Variants in CNTNAP2 observed in about 807,000 individuals in gnomAD.
CNTNAP2 encodes contactin-associated protein-like 2.
In CNTNAP2, 98 loss-of-function variants were observed where a neutral mutation model predicts 155.2. The observed-to-expected ratio is 0.63, with a 90% CI of 0.54 to 0.75. The LOEUF (loss-of-function observed/expected upper bound fraction) is 0.75. CNTNAP2 is among the 30% of genes least tolerant of loss of function. CNTNAP2 has a pLI of 0.00. For synonymous variants in CNTNAP2, 651 were observed against 631.2 expected (o/e 1.03, Z -0.47); for missense variants, 1,727 against 1,688.1 (o/e 1.02, Z -0.40).
intron 9 of CNTNAP2, among the ~76,000 whole-genome samples, chr7:147,311,794 ATACT>A (rs1281552331): frequency 3.3e-5 from 5 of 152,218 alleles, no homozygotes; most frequent in African/African-American, 1.2e-4. Flanking sequence ...TGAATTTAGC[ATACT>A]TACTTTTTTG....
At chr7:146,203,094 A>G (rs976496245) in intron 1 of CNTNAP2, among the ~76,000 whole-genome samples, 4 of 152,162 alleles carry the variant, frequency 2.6e-5, no homozygotes, top group Admixed American at 1.3e-4. Flanking sequence ...ACAACAATCA[A>G]CACAGAAGGT....
At chr7:148,006,835 A>T (rs932124092) in intron 15 of CNTNAP2, among the ~76,000 whole-genome samples, 6 of 152,158 alleles carry the variant, frequency 3.9e-5, no homozygotes, top group Non-Finnish European at 7.3e-5. Context: ...AAATAATTTC[A>T]CTCAATTTTC....
chr7:146,973,930 C>T (rs1797856224), intron 3 of CNTNAP2, among the ~76,000 whole-genome samples: 1 of 152,164 alleles, frequency 6.6e-6, no homozygotes, highest in African/African-American at 2.4e-5. Flanking sequence ...CCCAGTCCTA[C>T]CATGAATTAC....
chr7:147,798,673 A>G (rs1035459529), intron 13 of CNTNAP2, among the ~76,000 whole-genome samples: 3 of 152,210 alleles, frequency 2.0e-5, no homozygotes, highest in Non-Finnish European at 4.4e-5. Context: ...TTTATTGGCT[A>G]GAATTGGGTC....
chr7:146,659,856 A>G (rs1800057604), intron 1 of CNTNAP2, among the ~76,000 whole-genome samples: 1 of 152,206 alleles, frequency 6.6e-6, no homozygotes, highest in Admixed American at 6.5e-5. Context: ...CAAGAACTCC[A>G]TAGTGGGGAG....
At chr7:147,229,991 T>G (rs1803640857) in intron 8 of CNTNAP2, among the ~76,000 whole-genome samples, 1 of 152,156 alleles carries the variant, frequency 6.6e-6, no homozygotes, top group Admixed American at 6.5e-5. Context: ...AACTACGAGT[T>G]TCCAATCTTT....
At chr7:147,447,021 C>A (rs1797750566) in intron 10 of CNTNAP2, among the ~76,000 whole-genome samples, 1 of 151,972 alleles carries the variant, frequency 6.6e-6, no homozygotes, top group Non-Finnish European at 1.5e-5. Flanking sequence ...CATTAGAATG[C>A]CAAGAAAAGG....
intron 12 of CNTNAP2, among the ~76,000 whole-genome samples, chr7:147,592,639 A>G (rs1800759700): frequency 6.6e-6 from 1 of 152,196 alleles, no homozygotes; most frequent in African/African-American, 2.4e-5. Context: ...TGTTTTCTTT[A>G]CATTTCACTG....
chr7:147,586,547 G>GGAAAGAAGGAAGGAAGGGAGGA (rs1563009757), intron 12 of CNTNAP2, among the ~76,000 whole-genome samples: 27 of 21,302 alleles, frequency 1.3e-3, no homozygotes, highest in African/African-American at 5.8e-3. Flanking sequence ...GGAAGGAAGG[G>GGAAAGAAGGAAGGAAGGGAGGA]AGGGAGGGAG....
intron 13 of CNTNAP2, among the ~76,000 whole-genome samples, chr7:147,725,845 C>A (rs1218468165): frequency 6.6e-6 from 1 of 152,048 alleles, no homozygotes; most frequent in African/African-American, 2.4e-5. Flanking sequence ...CTATAGGCCT[C>A]TTTTCTCCCC....
chr7:146,680,074 G>T (rs1372773076), intron 1 of CNTNAP2, among the ~76,000 whole-genome samples: 1 of 152,060 alleles, frequency 6.6e-6, no homozygotes, highest in Admixed American at 6.6e-5. Context: ...AAATGTAGCG[G>T]ATTTAATTGT....
chr7:148,079,629 C>G (rs536336182), intron 15 of CNTNAP2, among the ~76,000 whole-genome samples: 1 of 152,310 alleles, frequency 6.6e-6, no homozygotes, highest in South Asian at 2.1e-4. Flanking sequence ...CCACAAGAGA[C>G]AGCTTTGCAG....
chr7:147,842,587 C>CTTTTTTTTTTTTTTTTT (rs3055146), intron 13 of CNTNAP2, among the ~76,000 whole-genome samples: 1 of 84,408 alleles, frequency 1.2e-5, no homozygotes, highest in Admixed American at 1.5e-4. Context: ...TTTTACTTTT[C>CTTTTTTTTTTTTTTTTT]TTTTTTTTTT....
rs571184449 is a variant in CNTNAP2 at position 146,360,303 on chromosome 7, T to C, written c.97+243330T>C. On this transcript the variant is annotated intron_variant, in intron 1 of 23. Transcript: ENST00000361727. ...GGTTATAATCCTTTCATGATATCAG[T>C]TCTACATCTGAGCACAAAGATAGAC... 2.6e-5 allele frequency among the ~76,000 whole-genome samples: 4 copies of C among 152,344 alleles called. No homozygotes were observed. The East Asian group carries it at 7.7e-4, about 29-fold the overall frequency.
intron 21 of CNTNAP2, among the ~76,000 whole-genome samples, chr7:148,347,482 G>A (rs928230054): frequency 2.0e-5 from 3 of 152,004 alleles, no homozygotes; most frequent in Admixed American, 6.6e-5. Flanking sequence ...GCCCCCCATC[G>A]GTGTCACCTA....
chr7:148,267,243 T>G, intron 21 of CNTNAP2, 117 bp downstream of exon 21: 1 of 879,868 alleles, frequency 1.1e-6, no homozygotes, highest in Non-Finnish European at 1.9e-6. Context: ...ACGAATATCT[T>G]CTCTGTACAG....
intron 15 of CNTNAP2, among the ~76,000 whole-genome samples, chr7:148,059,710 A>C (rs549506695): frequency 1.3e-5 from 2 of 149,540 alleles, no homozygotes; most frequent in African/African-American, 4.9e-5. Flanking sequence ...TCTCAAAAGA[A>C]ATTTCTATAT....
chr7:148,397,718 A>G (rs901375476), intron 22 of CNTNAP2, among the ~76,000 whole-genome samples: 3 of 152,258 alleles, frequency 2.0e-5, no homozygotes, highest in Non-Finnish European at 2.9e-5. Flanking sequence ...CACACGGCTC[A>G]TGCCAGGACT....
intron 3 of CNTNAP2, among the ~76,000 whole-genome samples, chr7:147,027,416 A>G (rs924140570): frequency 6.6e-6 from 1 of 152,234 alleles, no homozygotes; most frequent in Non-Finnish European, 1.5e-5. Flanking sequence ...CCAATATAAC[A>G]AACATATTGC....
Sources: allele counts gnomAD v4.1 joint callset (sites outside exome capture counted in the v4.1 genomes callset), GRCh38; gene constraint gnomAD v4.1.1; transcripts MANE v1.5; gene names NCBI Gene and HGNC (gene_info 2026-07-23, HGNC 2026-07-21).